The following IL17RA variants were observed in gnomAD, a reference collection of about 807,000 sequenced individuals.
IL17RA encodes the protein interleukin 17 receptor A, also known as interleukin-17 receptor A.
In IL17RA, 34 loss-of-function variants were observed where a neutral mutation model predicts 50.4. The observed-to-expected ratio is 0.67, with a 90% CI of 0.51 to 0.90. The LOEUF (loss-of-function observed/expected upper bound fraction) is 0.90, where lower values mean the gene tolerates loss of function less well. Ranked by LOEUF, IL17RA falls within the 40% of genes least tolerant of loss-of-function variation. The pLI is 0.00. For synonymous variants in IL17RA, 585 were observed against 510.4 expected (o/e 1.15, Z -1.97); for missense variants, 1,276 against 1,169.8 (o/e 1.09, Z -1.32).
At chr22:17,104,638 A>C in intron 8 of IL17RA, 88 bp from the exon 9 acceptor site, 5 of 1,173,822 alleles carry the variant, frequency 4.3e-6, no homozygotes, top group Non-Finnish European at 6.3e-6. Context: ...GCCAGCCAGG[A>C]TCCCCTCCTC....
Position 17,110,225 on chromosome 22 carries a change from C to CGG in IL17RA, c.*406_*407dup. On this transcript the variant is annotated 3_prime_UTR_variant, in exon 13 of 13. Coordinates refer to ENST00000319363, the MANE Select transcript of IL17RA (RefSeq NM_014339.7). Reference sequence around the variant, plus strand: ...TTAAACGAACAGGATGGGCCGGGCACGGTGGCTCACGCCTGTAATCCCAGC... The same window carrying CGG: ...TTAAACGAACAGGATGGGCCGGGCACGGGGTGGCTCACGCCTGTAATCCCAGC... The CGG allele has an allele frequency of 3.4e-6, 1 of 294,400 alleles. No individual in the cohort carries two copies. Among genetic ancestry groups the CGG allele is most frequent in the Non-Finnish European group, 6.6e-6 (1 of 152,308 alleles). 18.2% of individuals were successfully genotyped at this position (294,400 alleles called of 1,614,324 possible).
chr22:17,109,240 AG>A lies in IL17RA; in HGVS notation c.2026del (p.Ala676ProfsTer69). On this transcript the variant is annotated frameshift_variant, in exon 13 of 13. Coordinates refer to ENST00000319363, the MANE Select transcript of IL17RA (RefSeq NM_014339.7). LOFTEE classifies it low-confidence loss of function (END_TRUNC). The part of the protein sequence containing the change: ...PLHTLVLAAE[E>X]GALVAAVEPG... ...CACACCCTGGTGCTCGCCGCAGAGG[AG>A]GGGGCCCTGGTGGCCGCGGTGGAGC... The A allele has an allele frequency of 6.7e-7, 1 of 1,491,268 alleles. No individual in the cohort carries two copies. The allele number at this position is 1,491,268 out of a possible 1,614,324, so 92.4% of individuals were successfully genotyped here.
chr22:17,104,644 T>C, intron 8 of IL17RA, 82 bp from the exon 9 acceptor site: 1 of 1,259,314 alleles, frequency 7.9e-7, no homozygotes, highest in Non-Finnish European at 1.1e-6. Flanking sequence ...CAGGATCCCC[T>C]CCTCTCACAT....
chr22:17,085,766 C>T (rs1284121638), intron 1 of IL17RA, among the ~76,000 whole-genome samples: 2 of 152,148 alleles, frequency 1.3e-5, no homozygotes, highest in African/African-American at 4.8e-5. Context: ...GCCGGGCGAG[C>T]CCACGTCGTC....
In IL17RA at chr22:17,110,151, G is replaced by A. The variant is rs2061434981; in HGVS notation, c.*331G>A. 1 of 379,596 alleles carries A rather than the reference G, an allele frequency of 2.6e-6. No individual in the cohort carries two copies. Among genetic ancestry groups the A allele is most frequent in the Non-Finnish European group, 5.0e-6 (1 of 201,592 alleles). The allele number at this position is 379,596 out of a possible 1,614,324, so 23.5% of individuals were successfully genotyped here. A position where few individuals can be genotyped will look rare whatever the true frequency, so the allele number is the denominator to read the frequency against. ...TGGGATACCAAGATAAATTGCATGC[G>A]GCATGGCCCCAGCCATGAAGGAACT... On this transcript the variant is annotated 3_prime_UTR_variant, in exon 13 of 13. Transcript: ENST00000319363.
chr22:17,108,828 C>G lies in IL17RA; in HGVS notation c.1609C>G (p.Gln537Glu), dbSNP rs751841893. The G allele has an allele frequency of 1.9e-6, 3 of 1,607,542 alleles. No homozygotes were observed. The highest frequency in any genetic ancestry group is 1.7e-5 in the Admixed American group (1 of 59,156). The change falls in exon 13 of 13, where the codon CAG becomes GAG. Residue 537 changes from glutamine (Q) to glutamate (E), a missense_variant. Transcript: ENST00000319363. ...DRFEEVYFRIQDLEMFQPGRM... is the reference protein window; with the variant it reads ...DRFEEVYFRIEDLEMFQPGRM... ...GTTCGAGGAGGTGTACTTCCGCATC[C>G]AGGACCTGGAGATGTTCCAGCCGGG...
At position 17,106,823 on chromosome 22, in the gene IL17RA, A is replaced by G. The variant is rs182832215; in HGVS notation, c.1045+869A>G. Among the ~76,000 whole-genome samples the G allele has an allele frequency of 3.9e-5, 6 of 152,288 alleles. No individual in the cohort carries two copies. The East Asian group carries it at 1.2e-3, about 29-fold the overall frequency. ...TCAGTAGCATCTCGGCCAGTGCTCCACAGGCGGTGCAGCTCTCTAAAGGTT... is the reference window on the plus strand; with the variant it reads ...TCAGTAGCATCTCGGCCAGTGCTCCGCAGGCGGTGCAGCTCTCTAAAGGTT... On this transcript the variant is annotated intron_variant, in intron 11 of 12. Coordinates refer to ENST00000319363, the MANE Select transcript of IL17RA (RefSeq NM_014339.7).
intron 1 of IL17RA, among the ~76,000 whole-genome samples, chr22:17,094,703 A>ATATATATG (rs1568917570): frequency 4.6e-5 from 3 of 65,864 alleles, no homozygotes; most frequent in Non-Finnish European, 8.3e-5. Flanking sequence ...ATATATATAT[A>ATATATATG]TATATATATA....
intron 1 of IL17RA, among the ~76,000 whole-genome samples, chr22:17,092,690 CTCGGGGAATATGTGTCCTT>C (rs1474491072): frequency 6.6e-6 from 1 of 151,866 alleles, no homozygotes; most frequent in Non-Finnish European, 1.5e-5. Flanking sequence ...TTTCCACACT[CTCGGGGAATATGTGTCCTT>C]CTCTTCCAGA....
chr22:17,099,506 T>C (rs530561897), intron 4 of IL17RA, among the ~76,000 whole-genome samples: 93 of 152,224 alleles, frequency 6.1e-4, no homozygotes, highest in African/African-American at 2.1e-3. Context: ...CAGAAACTCT[T>C]AGGGTGGGGT....
At chr22:17,089,368 G>A (rs2061339941) in intron 1 of IL17RA, among the ~76,000 whole-genome samples, 1 of 152,108 alleles carries the variant, frequency 6.6e-6, no homozygotes, top group Non-Finnish European at 1.5e-5. Context: ...AGTACAATTG[G>A]GATAAGGGTG....
chr22:17,103,415 G>T, intron 7 of IL17RA, 79 bp from the exon 8 acceptor site: 1 of 1,135,684 alleles, frequency 8.8e-7, no homozygotes, highest in South Asian at 1.3e-5. Flanking sequence ...GCCTCTCCAT[G>T]GCAGTGCCAC....
chr22:17,098,961 A>G (rs780064877), intron 4 of IL17RA, 74 bp downstream of exon 4: 227 of 1,255,138 alleles, frequency 1.8e-4, no homozygotes, highest in Admixed American at 2.8e-4. Flanking sequence ...CCAAATTCAG[A>G]CCCTGATTTA....
In IL17RA at chr22:17,110,157, G is replaced by T; in HGVS notation, c.*337G>T. 2.7e-6 allele frequency: 1 copy of T among 370,800 alleles called. No homozygotes were observed. The highest frequency in any genetic ancestry group is 2.3e-5 in the South Asian group (1 of 44,276). 23.0% of individuals were successfully genotyped at this position (370,800 alleles called of 1,614,324 possible). Reference sequence around the variant, plus strand: ...ACCAAGATAAATTGCATGCGGCATGGCCCCAGCCATGAAGGAACTTAACCG... The same window carrying T: ...ACCAAGATAAATTGCATGCGGCATGTCCCCAGCCATGAAGGAACTTAACCG... On this transcript the variant is annotated 3_prime_UTR_variant, in exon 13 of 13. Transcript: ENST00000319363.
At position 17,109,713 on chromosome 22, in the gene IL17RA, G is replaced by C. The variant is rs1214636523; in HGVS notation, c.2494G>C (p.Asp832His). 2 of 1,586,462 alleles carry C rather than the reference G, an allele frequency of 1.3e-6. No individual in the cohort carries two copies. The highest frequency in any genetic ancestry group is 1.7e-6 in the Non-Finnish European group (2 of 1,167,258). ...GCCGGCCCTGCCACTCTCTCCCGAG[G>C]ACCTGGAGAGCCTGAGGAGCCTCCA... ...GKPALPLSPE[D>H]LESLRSLQRQ... is the part of the protein sequence containing the mutation. Residue 832 changes from aspartate to histidine, a missense_variant, in exon 13 of 13, where the codon GAC becomes CAC. Physicochemically the swap from Asp to His is moderately conservative, Grantham distance 81. Coordinates refer to ENST00000319363, the MANE Select transcript of IL17RA (RefSeq NM_014339.7).
At chr22:17,089,956 A>G (rs1178675849) in intron 1 of IL17RA, among the ~76,000 whole-genome samples, 1 of 151,334 alleles carries the variant, frequency 6.6e-6, no homozygotes, top group Non-Finnish European at 1.5e-5. Flanking sequence ...GATATGTCTT[A>G]GTAATATCCT....
chr22:17,089,528 C>T (rs779821569), intron 1 of IL17RA, among the ~76,000 whole-genome samples: 4 of 152,146 alleles, frequency 2.6e-5, no homozygotes, highest in Non-Finnish European at 5.9e-5. Context: ...TGCAAGATGC[C>T]TCACGTAATG....
At chr22:17,089,873 A>AC (rs1384264670) in intron 1 of IL17RA, among the ~76,000 whole-genome samples, 18 of 151,394 alleles carry the variant, frequency 1.2e-4, no homozygotes, top group African/African-American at 4.2e-4. Flanking sequence ...AAAACAAACA[A>AC]ACAAAAAAAA....
intron 10 of IL17RA, 89 bp from the exon 11 acceptor site, chr22:17,105,764 A>G: frequency 7.0e-7 from 1 of 1,419,688 alleles, no homozygotes; most frequent in Non-Finnish European, 9.9e-7. Context: ...CAGAGAGGAC[A>G]GAGCCTGGGG....
Sources: gnomAD v4.1 joint callset for allele counts (sites outside exome capture counted in the v4.1 genomes callset) on GRCh38, gnomAD v4.1.1 for gene constraint, MANE v1.5 for transcripts, NCBI Gene and HGNC (gene_info 2026-07-23, HGNC 2026-07-21) for gene names.